CNTNAP2: variants seen among roughly 807,000 people sequenced by gnomAD.
CNTNAP2 encodes the protein contactin associated protein 2.
A neutral mutation model predicts 155.2 loss-of-function variants in CNTNAP2; 98 were observed. The ratio of observed to expected loss-of-function variants is 0.63; its 90% CI spans 0.54 to 0.75. CNTNAP2 has a LOEUF of 0.75. Among genes scored for constraint, CNTNAP2 ranks in the 30% least tolerant of loss-of-function variants. The pLI is 0.00. For missense variants in CNTNAP2, 1,727 were observed against 1,688.1 expected (o/e 1.02, Z -0.40); for synonymous variants, 651 against 631.2 (o/e 1.03, Z -0.47).
At chr7:147,906,995 T>C (rs1156864435) in intron 14 of CNTNAP2, among the ~76,000 whole-genome samples, 1 of 152,188 alleles carries the variant, frequency 6.6e-6, no homozygotes, top group Non-Finnish European at 1.5e-5. Context: ...TTTGCTTCCG[T>C]AAAGTTTGTC....
At chr7:146,593,149 TTTA>T (rs986491354) in intron 1 of CNTNAP2, among the ~76,000 whole-genome samples, 3 of 150,926 alleles carry the variant, frequency 2.0e-5, no homozygotes, top group Non-Finnish European at 4.4e-5. Context: ...GTTTACTATG[TTTA>T]TTATTATTAT....
At chr7:147,411,372 T>C (rs1475402590) in intron 10 of CNTNAP2, among the ~76,000 whole-genome samples, 1 of 152,252 alleles carries the variant, frequency 6.6e-6, no homozygotes, top group Non-Finnish European at 1.5e-5. Context: ...CTGTGTATAA[T>C]TCATCATCCT....
At chr7:146,510,106 G>A (rs1797444575) in intron 1 of CNTNAP2, among the ~76,000 whole-genome samples, 1 of 152,204 alleles carries the variant, frequency 6.6e-6, no homozygotes, top group African/African-American at 2.4e-5. Context: ...ACAGGTGGCA[G>A]GCAGCTGAAA....
chr7:148,143,172 C>T lies in CNTNAP2; in HGVS notation c.2555-4319C>T, dbSNP rs552720311. On this transcript the variant is annotated intron_variant, in intron 16 of 23. Coordinates refer to ENST00000361727, the MANE Select transcript of CNTNAP2 (RefSeq NM_014141.6). ...TAGAGGTTCTCCGTAGTTTCAAACACATTTTGGACACAGGAACTTTTGGGA... is the reference window on the plus strand; with the variant it reads ...TAGAGGTTCTCCGTAGTTTCAAACATATTTTGGACACAGGAACTTTTGGGA... Among the ~76,000 whole-genome samples, 3 of 152,288 alleles carry T rather than the reference C, an allele frequency of 2.0e-5. No homozygotes were observed. In the South Asian group the frequency reaches 6.2e-4, roughly 32 times the overall value.
intron 2 of CNTNAP2, among the ~76,000 whole-genome samples, chr7:146,817,622 A>C (rs1803199180): frequency 6.6e-6 from 1 of 152,198 alleles, no homozygotes; most frequent in Admixed American, 6.5e-5. Flanking sequence ...GGAAGAAGAC[A>C]AAGAGGGAGC....
intron 9 of CNTNAP2, among the ~76,000 whole-genome samples, chr7:147,358,945 T>TG (rs1358925246): frequency 1.3e-5 from 2 of 152,146 alleles, no homozygotes; most frequent in East Asian, 3.9e-4. Context: ...CATACGGTTT[T>TG]GGGCACCATA....
At chr7:146,944,764 G>A (rs1797127339) in intron 3 of CNTNAP2, among the ~76,000 whole-genome samples, 1 of 152,014 alleles carries the variant, frequency 6.6e-6, no homozygotes, top group Non-Finnish European at 1.5e-5. Flanking sequence ...TGTAGTCCCA[G>A]CTACTCGGGA....
chr7:146,736,115 C>T (rs57941746), intron 1 of CNTNAP2, among the ~76,000 whole-genome samples: 2,481 of 152,102 alleles, frequency 0.016, 35 homozygotes, highest in African/African-American at 0.047. Flanking sequence ...ATTCATATGG[C>T]ATGTATATTG....
chr7:148,328,102 C>T (rs1445858725), intron 21 of CNTNAP2, among the ~76,000 whole-genome samples: 1 of 152,190 alleles, frequency 6.6e-6, no homozygotes, highest in Admixed American at 6.5e-5. Context: ...ATAAAGACCA[C>T]CCAGATGAGA....
chr7:148,090,201 AT>A (rs1046192246), intron 15 of CNTNAP2, among the ~76,000 whole-genome samples: 10 of 152,066 alleles, frequency 6.6e-5, no homozygotes, highest in African/African-American at 2.2e-4. Flanking sequence ...CTGGGAAAAG[AT>A]TTTTTGGCTA....
chr7:147,652,952 A>T, intron 13 of CNTNAP2, among the ~76,000 whole-genome samples: 1 of 152,154 alleles, frequency 6.6e-6, no homozygotes, highest in East Asian at 1.9e-4. Flanking sequence ...TTTCTGAAAA[A>T]TCCTACCTTT....
intron 1 of CNTNAP2, among the ~76,000 whole-genome samples, chr7:146,696,030 G>GT (rs1235284667): frequency 6.6e-6 from 1 of 152,120 alleles, no homozygotes; most frequent in Non-Finnish European, 1.5e-5. Context: ...TGGATGTGGT[G>GT]TTGGAGTATT....
At chr7:146,198,088 C>A (rs1287760459) in intron 1 of CNTNAP2, among the ~76,000 whole-genome samples, 1 of 152,072 alleles carries the variant, frequency 6.6e-6, no homozygotes, top group African/African-American at 2.4e-5. Context: ...CCCCATGATC[C>A]AATCACCTCC....
intron 13 of CNTNAP2, among the ~76,000 whole-genome samples, chr7:147,817,661 T>C (rs987633995): frequency 6.6e-6 from 1 of 152,030 alleles, no homozygotes. Flanking sequence ...CCCAGCACTT[T>C]GGGAGGCCGA....
At position 146,551,817 on chromosome 7, in the gene CNTNAP2, C is replaced by T. The variant is rs182175413; in HGVS notation, c.98-222454C>T. On this transcript the variant is annotated intron_variant, in intron 1 of 23. Transcript: ENST00000361727. ...CAAAGCTTATTTTTCTCCTTCTTCC[C>T]ATCTCTTTTCTTCCCTCTTTTCCTT... Among the ~76,000 whole-genome samples, 84 of 152,098 alleles carry T rather than the reference C, an allele frequency of 5.5e-4. 1 individual carries two copies. In the East Asian group the frequency reaches 0.015, roughly 27 times the overall value.
At chr7:146,356,180 G>A (rs1392221632) in intron 1 of CNTNAP2, among the ~76,000 whole-genome samples, 5 of 151,950 alleles carry the variant, frequency 3.3e-5, no homozygotes, top group Admixed American at 2.0e-4. Context: ...GACATCAGAT[G>A]TACTCGCAAA....
chr7:148,058,036 T>C (rs756032092), intron 15 of CNTNAP2, among the ~76,000 whole-genome samples: 1 of 151,262 alleles, frequency 6.6e-6, no homozygotes, highest in Non-Finnish European at 1.5e-5. Flanking sequence ...AAGTTTTTAT[T>C]TCCCTTTCAC....
intron 20 of CNTNAP2, among the ~76,000 whole-genome samples, chr7:148,260,527 G>A (rs1026325168): frequency 2.0e-5 from 3 of 152,202 alleles, no homozygotes; most frequent in Non-Finnish European, 1.5e-5. Flanking sequence ...GACAAAGTTG[G>A]GTTTATCCCT....
At chr7:148,152,742 T>C (rs781701043) in intron 17 of CNTNAP2, among the ~76,000 whole-genome samples, 21 of 152,232 alleles carry the variant, frequency 1.4e-4, no homozygotes, top group Non-Finnish European at 2.8e-4. Flanking sequence ...AAACTCTAGC[T>C]GGGCACGGCG....
Sources: gnomAD v4.1 joint callset for allele counts (sites outside exome capture counted in the v4.1 genomes callset) on GRCh38, gnomAD v4.1.1 for gene constraint, MANE v1.5 for transcripts, NCBI Gene and HGNC (gene_info 2026-07-23, HGNC 2026-07-21) for gene names.